DLC1: variants seen among roughly 807,000 people sequenced by gnomAD.
DLC1 encodes the protein rho GTPase-activating protein 7.
In DLC1, 54 loss-of-function variants were observed where a neutral mutation model predicts 140.3. The observed-to-expected ratio is 0.38, with a 90% confidence interval of 0.31 to 0.48. The LOEUF (loss-of-function observed/expected upper bound fraction) is 0.48. Ranked by LOEUF, DLC1 falls within the 20% of genes least tolerant of loss-of-function variation. The probability of loss-of-function intolerance (pLI) is 0.96; values close to 1 mark genes in which losing one functional copy is unlikely to be tolerated. For synonymous variants in DLC1, 986 were observed against 728.1 expected (o/e 1.35, Z -5.70); for missense variants, 2,536 against 1,907.0 (o/e 1.33, Z -6.14).
At chr8:13,478,635 G>C (rs752741920) in intron 2 of DLC1, among the ~76,000 whole-genome samples, 5 of 152,194 alleles carry the variant, frequency 3.3e-5, no homozygotes, top group African/African-American at 4.8e-5. Flanking sequence ...CTTCTCATCA[G>C]TTCAAGGCTA....
chr8:13,233,110 C>T (rs2583102), intron 5 of DLC1, among the ~76,000 whole-genome samples: 71,561 of 151,522 alleles, frequency 0.47, 17,386 homozygotes, highest in East Asian at 0.79. Context: ...GCCTGGCCAA[C>T]ATGGCAAAAT....
chr8:13,413,631 C>A (rs559017248), intron 2 of DLC1, among the ~76,000 whole-genome samples: 1 of 152,098 alleles, frequency 6.6e-6, no homozygotes, highest in South Asian at 2.1e-4. Flanking sequence ...GTAATTGGAT[C>A]ATGGAGGAGG....
chr8:13,444,299 C>A (rs535100429), intron 2 of DLC1, among the ~76,000 whole-genome samples: 1 of 152,004 alleles, frequency 6.6e-6, no homozygotes, highest in East Asian at 1.9e-4. Context: ...GGGGCCTGAC[C>A]GGTGGTGCGG....
At chr8:13,382,812 C>G (rs758087035) in intron 4 of DLC1, among the ~76,000 whole-genome samples, 2 of 152,092 alleles carry the variant, frequency 1.3e-5, no homozygotes, top group Non-Finnish European at 2.9e-5. Flanking sequence ...TCACAGATCC[C>G]ATACATTAAA....
At chr8:13,504,949 A>G (rs1423526845) in intron 1 of DLC1, among the ~76,000 whole-genome samples, 1 of 152,172 alleles carries the variant, frequency 6.6e-6, no homozygotes, top group African/African-American at 2.4e-5. Context: ...ATCATTTCAC[A>G]TAACTCCTAA....
At chr8:13,222,444 C>T (rs113888705) in intron 5 of DLC1, among the ~76,000 whole-genome samples, 1 of 152,070 alleles carries the variant, frequency 6.6e-6, no homozygotes, top group Admixed American at 6.6e-5. Context: ...TAGACACATC[C>T]TTTAAAAGCT....
At chr8:13,125,561 A>T (rs1334723217) in intron 5 of DLC1, among the ~76,000 whole-genome samples, 2 of 152,176 alleles carry the variant, frequency 1.3e-5, no homozygotes, top group Non-Finnish European at 2.9e-5. Context: ...ACAAATGAGG[A>T]AGCTGGTACA....
intron 5 of DLC1, among the ~76,000 whole-genome samples, chr8:13,153,577 T>C (rs759182583): frequency 1.3e-5 from 2 of 152,192 alleles, no homozygotes; most frequent in Non-Finnish European, 2.9e-5. Flanking sequence ...TGCTGATTGG[T>C]CCATTTTACA....
At chr8:13,115,533 G>C (rs1389891655) in intron 6 of DLC1, 53 bp downstream of exon 6, 4 of 1,507,096 alleles carry the variant, frequency 2.7e-6, no homozygotes, top group Middle Eastern at 1.7e-4. Flanking sequence ...TAATACTCGC[G>C]AACAAGGGAT....
intron 5 of DLC1, among the ~76,000 whole-genome samples, chr8:13,193,203 C>T (rs752960883): frequency 3.3e-5 from 5 of 152,126 alleles, no homozygotes; most frequent in South Asian, 4.1e-4. Flanking sequence ...CTTGCCACAG[C>T]TCTTATATTA....
chr8:13,124,636 A>G (rs1821399144), intron 5 of DLC1, among the ~76,000 whole-genome samples: 1 of 152,242 alleles, frequency 6.6e-6, no homozygotes, highest in Non-Finnish European at 1.5e-5. Context: ...ACTCCAGGAA[A>G]GAATCCACTG....
intron 2 of DLC1, among the ~76,000 whole-genome samples, chr8:13,470,536 C>G (rs145363399): frequency 2.3e-3 from 354 of 152,228 alleles, no homozygotes; most frequent in African/African-American, 8.2e-3. Flanking sequence ...CACTAATCAT[C>G]AAGGAAATAC....
At chr8:13,421,717 C>T (rs1306753833) in intron 2 of DLC1, among the ~76,000 whole-genome samples, 1 of 152,118 alleles carries the variant, frequency 6.6e-6, no homozygotes, top group Non-Finnish European at 1.5e-5. Context: ...ATTGAGGTTA[C>T]TCATCCTCCA....
At position 13,152,246 on chromosome 8, in the gene DLC1, C is replaced by A. The variant is rs191791299; in HGVS notation, c.1349-36589G>T. Among the ~76,000 whole-genome samples the A allele has an allele frequency of 3.6e-3, 546 of 152,258 alleles. 4 individuals are homozygous for A. Among genetic ancestry groups the A allele is most frequent in the Non-Finnish European group, 5.0e-3 (339 of 68,028 alleles). On this transcript the variant is annotated intron_variant, in intron 5 of 17. Coordinates refer to ENST00000276297, the MANE Select transcript of DLC1 (RefSeq NM_182643.3). ...CCGTAAGAAGTGTTCTGAAATGACC[C>A]AGAAGTTACCATCTAGTCATTGCTA...
At chr8:13,241,765 G>A (rs1829554640) in intron 5 of DLC1, among the ~76,000 whole-genome samples, 1 of 152,082 alleles carries the variant, frequency 6.6e-6, no homozygotes, top group Non-Finnish European at 1.5e-5. Flanking sequence ...GTTCTGTTAG[G>A]ACACAAGAGG....
rs148401880 is a variant in DLC1 at position 13,103,740 on chromosome 8, G to A, written c.1503-887C>T. 5.4e-4 allele frequency among the ~76,000 whole-genome samples: 82 copies of A among 151,358 alleles called. 1 individual carries two copies. In the Middle Eastern group the frequency reaches 0.01, roughly 19 times the overall value. On this transcript the variant is annotated intron_variant, in intron 7 of 17. Transcript: ENST00000276297. ...TGTAATGCCAGCTACTCGGGAGGCT[G>A]TGGCAGGAAGAATCGCTTGAACCTG...
intron 5 of DLC1, among the ~76,000 whole-genome samples, chr8:13,289,925 A>G (rs1195987499): frequency 2.0e-5 from 3 of 152,194 alleles, no homozygotes; most frequent in Non-Finnish European, 4.4e-5. Flanking sequence ...TAGGTTGGCT[A>G]ATGGCAAATA....
At chr8:13,291,666 G>C (rs1563229102) in intron 5 of DLC1, among the ~76,000 whole-genome samples, 1 of 152,080 alleles carries the variant, frequency 6.6e-6, no homozygotes, top group Non-Finnish European at 1.5e-5. Context: ...AAATGTAAGT[G>C]ACATAGACAG....
chr8:13,237,118 C>T (rs1829316376), intron 5 of DLC1, among the ~76,000 whole-genome samples: 1 of 151,066 alleles, frequency 6.6e-6, no homozygotes, highest in South Asian at 2.1e-4. Flanking sequence ...TTTGCTTACT[C>T]TTTTTCTAAG....
Sources: gnomAD v4.1 joint callset for allele counts (sites outside exome capture counted in the v4.1 genomes callset) on GRCh38, gnomAD v4.1.1 for gene constraint, MANE v1.5 for transcripts, NCBI Gene and HGNC (gene_info 2026-07-23, HGNC 2026-07-21) for gene names.